FYN: variants seen among roughly 807,000 people sequenced by gnomAD.
The protein encoded by FYN is FYN proto-oncogene, Src family tyrosine kinase.
Under a neutral mutation model 70.2 loss-of-function variants are expected in FYN, and 10 were observed. That is an observed-to-expected ratio of 0.14 (90% CI 0.09 to 0.24). The LOEUF is 0.24. FYN is among the 10% of genes least tolerant of loss of function. The pLI is 1.00. For missense variants in FYN, 319 were observed against 673.1 expected, an observed-to-expected ratio of 0.47 and a Z score of 5.82; for synonymous variants, 236 against 248.6, an observed-to-expected ratio of 0.95 and a Z score of 0.48.
rs559963242 is a variant in FYN, at chr6:111,661,517, T to G, written c.*222A>C. On this transcript the variant is annotated 3_prime_UTR_variant, in exon 14 of 14. Coordinates refer to ENST00000354650, the MANE Select transcript of FYN (RefSeq NM_002037.5). The surrounding 1 kb of genome is among the most constrained non-coding windows in gnomAD (Gnocchi z 4.0). ...TCGATACAATGCATTTTCCAAAGTC[T>G]GAGAAATAACAAGGTTCTGTCTCGA... 1 of 534,030 alleles carries G rather than the reference T, an allele frequency of 1.9e-6. No individual in the cohort carries two copies. The highest frequency in any genetic ancestry group is 1.9e-5 in the African/African-American group (1 of 53,112). 33.1% of individuals were successfully genotyped at this position (534,030 alleles called of 1,614,324 possible).
intron 2 of FYN, among the ~76,000 whole-genome samples, chr6:111,809,869 T>G (rs1011784834): frequency 1.3e-5 from 2 of 152,156 alleles, no homozygotes; most frequent in South Asian, 2.1e-4. Context: ...CACATAGATA[T>G]AGCAAAAATC....
chr6:111,757,604 G>T (rs1329963481), intron 3 of FYN, among the ~76,000 whole-genome samples: 4 of 152,184 alleles, frequency 2.6e-5, no homozygotes, highest in African/African-American at 9.7e-5. Flanking sequence ...AGCAGGAAGT[G>T]GCCCTCCAAA....
intron 12 of FYN, among the ~76,000 whole-genome samples, chr6:111,683,118 T>C (rs1295555004): frequency 6.6e-6 from 1 of 152,208 alleles, no homozygotes; most frequent in Non-Finnish European, 1.5e-5. Flanking sequence ...CAAGCACAGG[T>C]TGCCTCCGCC....
intron 4 of FYN, among the ~76,000 whole-genome samples, chr6:111,715,967 T>C (rs960497707): frequency 6.6e-6 from 1 of 152,258 alleles, no homozygotes; most frequent in Non-Finnish European, 1.5e-5. Context: ...TTTGAAACTA[T>C]GAAATTCCTG....
At chr6:111,754,404 A>G (rs1802621482) in intron 3 of FYN, 1 of 152,180 alleles carries the variant, frequency 6.6e-6, no homozygotes, top group African/African-American at 2.4e-5. Context: ...ATAAACTGTG[A>G]TCTCTGGAAC....
intron 3 of FYN, among the ~76,000 whole-genome samples, chr6:111,734,603 C>T (rs995507455): frequency 6.6e-6 from 1 of 151,940 alleles, no homozygotes; most frequent in Non-Finnish European, 1.5e-5. Context: ...TTCTCTCTGG[C>T]TCTACCCTAC....
intron 6 of FYN, among the ~76,000 whole-genome samples, chr6:111,705,265 G>A (rs757607338): frequency 5.5e-4 from 83 of 152,128 alleles, no homozygotes; most frequent in Non-Finnish European, 1.1e-3. Context: ...TGAGAAAAAC[G>A]CCCATGAGTA....
intron 3 of FYN, among the ~76,000 whole-genome samples, chr6:111,779,788 A>C (rs754958982): frequency 6.6e-6 from 1 of 152,182 alleles, no homozygotes; most frequent in Non-Finnish European, 1.5e-5. Context: ...GCCTGACTTC[A>C]ATGGGAAATG....
intron 2 of FYN, among the ~76,000 whole-genome samples, chr6:111,795,659 C>T (rs950927003): frequency 6.6e-6 from 1 of 152,130 alleles, no homozygotes; most frequent in Non-Finnish European, 1.5e-5. Flanking sequence ...AAATCAGAAA[C>T]AGAAGGGTGT....
intron 3 of FYN, among the ~76,000 whole-genome samples, chr6:111,757,652 A>C (rs1253547966): frequency 6.6e-6 from 1 of 152,248 alleles, no homozygotes; most frequent in Non-Finnish European, 1.5e-5. Context: ...GATGCTATGA[A>C]GGGAGACATT....
At chr6:111,836,716 T>C (rs1223331958) in intron 2 of FYN, among the ~76,000 whole-genome samples, 2 of 152,182 alleles carry the variant, frequency 1.3e-5, no homozygotes, top group African/African-American at 2.4e-5. Flanking sequence ...GAACCGTGAC[T>C]GTGTCACTGC....
At chr6:111,750,620 G>A (rs1048052701) in intron 3 of FYN, among the ~76,000 whole-genome samples, 1 of 151,988 alleles carries the variant, frequency 6.6e-6, no homozygotes, top group Non-Finnish European at 1.5e-5. Flanking sequence ...TTTTAGGGAT[G>A]CAGGCTCTTC....
intron 2 of FYN, among the ~76,000 whole-genome samples, chr6:111,825,976 G>T (rs1772822557): frequency 6.6e-6 from 1 of 152,148 alleles, no homozygotes; most frequent in Non-Finnish European, 1.5e-5. Flanking sequence ...TACATTAAGA[G>T]TTAGGGCGAG....
At chr6:111,813,601 T>TG (rs763226089) in intron 2 of FYN, among the ~76,000 whole-genome samples, 8 of 152,176 alleles carry the variant, frequency 5.3e-5, no homozygotes, top group Non-Finnish European at 8.8e-5. Flanking sequence ...TGCAGGACTC[T>TG]AACAGACTCC....
intron 12 of FYN, among the ~76,000 whole-genome samples, chr6:111,678,108 ATGTGTG>A (rs57015847): frequency 3.9e-3 from 367 of 94,014 alleles, no homozygotes; most frequent in East Asian, 0.022. Flanking sequence ...AGGCCATAAT[ATGTGTG>A]TGTGTGTGTG....
At chr6:111,674,847 C>T (rs1258967055) in intron 12 of FYN, among the ~76,000 whole-genome samples, 2 of 152,028 alleles carry the variant, frequency 1.3e-5, no homozygotes, top group African/African-American at 4.8e-5. Flanking sequence ...ACCTTAGTAC[C>T]TCAATAAAGG....
intron 4 of FYN, among the ~76,000 whole-genome samples, chr6:111,715,877 A>C (rs879674393): frequency 6.6e-6 from 1 of 152,236 alleles, no homozygotes; most frequent in Non-Finnish European, 1.5e-5. Flanking sequence ...TAAACAAAAA[A>C]GCATGAAGGA....
chr6:111,679,512 G>T (rs1231160250), intron 12 of FYN, among the ~76,000 whole-genome samples: 1 of 152,190 alleles, frequency 6.6e-6, no homozygotes, highest in Admixed American at 6.5e-5. Flanking sequence ...GAAAGCACTT[G>T]ATAAACAGGT....
rs147936024 is a variant in FYN, at chr6:111,829,797, C to T, written c.-82+16792G>A. Among the ~76,000 whole-genome samples, 8 of 152,294 alleles carry T rather than the reference C, an allele frequency of 5.3e-5. No homozygotes were observed. In the East Asian group the frequency reaches 9.6e-4, roughly 18 times the overall value. On this transcript the variant is annotated intron_variant, in intron 2 of 13. Coordinates refer to ENST00000354650, the MANE Select transcript of FYN (RefSeq NM_002037.5). ...ATGAAATACTGCAATAGACATGCCACGGATACATGCATGATTCCTTCATCA... is the reference window on the plus strand; with the variant it reads ...ATGAAATACTGCAATAGACATGCCATGGATACATGCATGATTCCTTCATCA...
Sources: gnomAD v4.1 joint callset for allele counts (sites outside exome capture counted in the v4.1 genomes callset) on GRCh38, gnomAD v4.1.1 for gene constraint, Gnocchi (gnomAD v3.1) non-coding constraint, MANE v1.5 for transcripts, NCBI Gene and HGNC (gene_info 2026-07-23, HGNC 2026-07-21) for gene names.